STK3: variants seen among roughly 807,000 people sequenced by gnomAD.
STK3 encodes serine/threonine-protein kinase 3.
A neutral mutation model predicts 58.0 loss-of-function variants in STK3; 41 were observed. That is an observed-to-expected ratio of 0.71 (90% CI 0.55 to 0.92). The LOEUF (loss-of-function observed/expected upper bound fraction) is 0.92. Among genes scored for constraint, STK3 ranks in the 40% least tolerant of loss-of-function variants. The pLI is 0.00. For missense variants in STK3, 479 were observed against 602.7 expected, an observed-to-expected ratio of 0.79 and a Z score of 2.15; for synonymous variants, 170 against 191.0, an observed-to-expected ratio of 0.89 and a Z score of 0.91.
chr8:98,936,842 T>G (rs1049524242), intron 1 of STK3, among the ~76,000 whole-genome samples: 8 of 152,172 alleles, frequency 5.3e-5, no homozygotes, highest in African/African-American at 1.9e-4. Context: ...TCCACCCAGT[T>G]TGATTCCTGG....
At chr8:98,427,968 G>A (rs1280417407) in intron 3 of STK3, 11 of 1,493,518 alleles carry the variant, frequency 7.4e-6, no homozygotes, top group South Asian at 2.6e-5. Context: ...GCGGGCGGCC[G>A]GCGCCTCCAG....
intron 1 of STK3, among the ~76,000 whole-genome samples, chr8:98,899,857 A>G (rs1838591394): frequency 6.6e-6 from 1 of 152,154 alleles, no homozygotes; most frequent in African/African-American, 2.4e-5. Context: ...TTTCCTATTC[A>G]TCCTCTCTGA....
At chr8:98,937,581 C>G (rs953378658) in intron 1 of STK3, among the ~76,000 whole-genome samples, 5 of 152,176 alleles carry the variant, frequency 3.3e-5, no homozygotes, top group Non-Finnish European at 7.3e-5. Context: ...CACTTCTACC[C>G]CCAAGTCAGG....
At chr8:98,773,358 CTTTA>C (rs1831445135) in intron 2 of STK3, among the ~76,000 whole-genome samples, 2 of 152,118 alleles carry the variant, frequency 1.3e-5, no homozygotes. Flanking sequence ...TAATATATCT[CTTTA>C]TTTAGTTGAA....
At chr8:98,652,089 C>G (rs1272070803) in intron 6 of STK3, among the ~76,000 whole-genome samples, 1 of 152,146 alleles carries the variant, frequency 6.6e-6, no homozygotes. Flanking sequence ...AGAGAAAGGT[C>G]AAGTTACCCA....
At chr8:98,534,453 A>G (rs4332102) in intron 9 of STK3, among the ~76,000 whole-genome samples, 61,626 of 152,042 alleles carry the variant, frequency 0.41, 12,788 homozygotes, top group East Asian at 0.53. Flanking sequence ...ATTTCCTGTC[A>G]TAACAGACTT....
intron 6 of STK3, among the ~76,000 whole-genome samples, chr8:98,670,475 C>T (rs1389265793): frequency 6.6e-6 from 1 of 152,122 alleles, no homozygotes; most frequent in African/African-American, 2.4e-5. Context: ...CATCTTTAGG[C>T]TCAAATGGAA....
rs1371896202 is a variant in STK3 at position 98,544,673 on chromosome 8, C to T, written c.1141+3296G>A. Among the ~76,000 whole-genome samples, 11 of 151,442 alleles carry T rather than the reference C, an allele frequency of 7.3e-5. No homozygotes were observed. In the East Asian group the frequency reaches 1.5e-3, roughly 21 times the overall value. The stretch of plus-strand genomic sequence containing the variant: ...TAACACACACACACACACACACACA[C>T]ACACACACACACACACACACACAGC... On this transcript the variant is annotated intron_variant, in intron 9 of 10. Transcript: ENST00000419617.
intron 8 of STK3, among the ~76,000 whole-genome samples, chr8:98,554,958 T>C (rs1328565711): frequency 6.6e-6 from 1 of 152,084 alleles, no homozygotes; most frequent in African/African-American, 2.4e-5. Flanking sequence ...GAAAAACATG[T>C]TGATACTTCA....
At chr8:98,540,969 C>T (rs887460574) in intron 9 of STK3, among the ~76,000 whole-genome samples, 1 of 152,088 alleles carries the variant, frequency 6.6e-6, no homozygotes, top group Non-Finnish European at 1.5e-5. Flanking sequence ...CTTTCTAATC[C>T]CTAAATAGCA....
At chr8:98,710,583 G>A (rs1056285101) in intron 4 of STK3, among the ~76,000 whole-genome samples, 1 of 152,200 alleles carries the variant, frequency 6.6e-6, no homozygotes, top group Non-Finnish European at 1.5e-5. Context: ...ATGCGGCAGC[G>A]AGGCTGGGGG....
chr8:98,713,052 T>C (rs1460993033), intron 4 of STK3, among the ~76,000 whole-genome samples: 1 of 151,984 alleles, frequency 6.6e-6, no homozygotes, highest in Non-Finnish European at 1.5e-5. Flanking sequence ...CATAACGAAA[T>C]GAAGGCAGAA....
downstream of STK3, chr8:98,880,771 A>G (rs1257843594): frequency 6.6e-6 from 1 of 152,262 alleles, no homozygotes; most frequent in Non-Finnish European, 1.5e-5. Flanking sequence ...TAAAACAAAA[A>G]ATTAGAAACT....
chr8:98,570,643 T>C (rs1026445820), intron 8 of STK3, among the ~76,000 whole-genome samples: 3 of 151,850 alleles, frequency 2.0e-5, no homozygotes, highest in African/African-American at 7.3e-5. Flanking sequence ...ACCCGAAAAC[T>C]AAACAAACAG....
intron 6 of STK3, chr8:98,602,166 A>G (rs1030657500): frequency 6.6e-6 from 1 of 152,254 alleles, no homozygotes; most frequent in African/African-American, 2.4e-5. Flanking sequence ...GCCCTGGATA[A>G]CATGAAAACT....
At chr8:98,916,806 G>T (rs1839363107) in intron 1 of STK3, among the ~76,000 whole-genome samples, 1 of 152,200 alleles carries the variant, frequency 6.6e-6, no homozygotes, top group South Asian at 2.1e-4. Context: ...TTTGGGAATA[G>T]TTCTAAGTAG....
chr8:98,770,033 G>C (rs1398753385), intron 2 of STK3, among the ~76,000 whole-genome samples: 2 of 152,140 alleles, frequency 1.3e-5, no homozygotes, highest in Non-Finnish European at 2.9e-5. Context: ...ACAATAAAGA[G>C]AAGTACCTAG....
intron 2 of STK3, among the ~76,000 whole-genome samples, chr8:98,372,824 C>T (rs911464210): frequency 2.6e-5 from 4 of 152,280 alleles, no homozygotes; most frequent in Non-Finnish European, 4.4e-5. Context: ...CTTCCAGCTG[C>T]GTGGCTTTGG....
At chr8:98,730,863 C>A (rs1173546064) in intron 4 of STK3, among the ~76,000 whole-genome samples, 1 of 152,010 alleles carries the variant, frequency 6.6e-6, no homozygotes, top group Non-Finnish European at 1.5e-5. Flanking sequence ...ACTGAGGGAA[C>A]TACAACCATC....
Sources: gnomAD v4.1 joint callset for allele counts (sites outside exome capture counted in the v4.1 genomes callset) on GRCh38, gnomAD v4.1.1 for gene constraint, MANE v1.5 for transcripts, NCBI Gene and HGNC (gene_info 2026-07-23, HGNC 2026-07-21) for gene names.